The following TENM2 variants were observed in gnomAD, a reference collection of about 807,000 sequenced individuals.
TENM2 encodes teneurin-2.
TENM2 carries 52 observed loss-of-function variants against 245.2 expected under a neutral mutation model. The observed-to-expected ratio is 0.21, with a 90% CI of 0.17 to 0.27. The LOEUF (loss-of-function observed/expected upper bound fraction) is 0.27, where lower values mean the gene tolerates loss of function less well. Among genes scored for constraint, TENM2 ranks in the 10% least tolerant of loss-of-function variants. The pLI is 1.00. For missense variants in TENM2, 3,046 were observed against 3,666.8 expected (o/e 0.83, Z 4.37); for synonymous variants, 1,363 against 1,438.9 (o/e 0.95, Z 1.19).
intron 2 of TENM2, among the ~76,000 whole-genome samples, chr5:167,864,695 G>C (rs1408355450): frequency 6.6e-6 from 1 of 152,118 alleles, no homozygotes; most frequent in Non-Finnish European, 1.5e-5. Flanking sequence ...GAAAACCTCG[G>C]TTCCAACTCT....
At chr5:167,857,911 G>A (rs1771242336) in intron 2 of TENM2, among the ~76,000 whole-genome samples, 1 of 152,158 alleles carries the variant, frequency 6.6e-6, no homozygotes, top group African/African-American at 2.4e-5. Flanking sequence ...CTAACTTACT[G>A]TGTGGTCCAG....
the TENM2 span, among the ~76,000 whole-genome samples, chr5:167,132,549 A>G: frequency 0.08 from 12,171 of 152,084 alleles, 1,203 homozygotes; most frequent in African/African-American, 0.23. Flanking sequence ...CATGTTACGC[A>G]AATAAATCAC....
rs73367214 is a variant in TENM2, at chr5:167,536,619, A to G, written c.502+161146A>G. On this transcript the variant is annotated intron_variant, in intron 2 of 28. Transcript: ENST00000518659. Reference sequence around the variant, plus strand: ...ATGAGTTCAGAAATTTGGGATACCTATGATTTTAGCATGGAGCCAGGCAAC... The same window carrying G: ...ATGAGTTCAGAAATTTGGGATACCTGTGATTTTAGCATGGAGCCAGGCAAC... Among the ~76,000 whole-genome samples, 1,425 of 152,302 alleles carry G rather than the reference A, an allele frequency of 9.4e-3. 16 individuals carry two copies. The highest frequency in any genetic ancestry group is 0.029 in the African/African-American group (1,187 of 41,564).
chr5:167,839,086 C>T (rs1234923046), intron 2 of TENM2, among the ~76,000 whole-genome samples: 1 of 152,150 alleles, frequency 6.6e-6, no homozygotes, highest in African/African-American at 2.4e-5. Context: ...TAAGTATTGT[C>T]ATTGTTATGA....
chr5:167,958,912 A>AT (rs1780772423), intron 4 of TENM2, among the ~76,000 whole-genome samples: 1 of 151,752 alleles, frequency 6.6e-6, no homozygotes, highest in South Asian at 2.1e-4. Context: ...TGCCCTTAAC[A>AT]TTTTTTCCTT....
chr5:167,662,514 C>G (rs915827067), intron 2 of TENM2, among the ~76,000 whole-genome samples: 1 of 152,134 alleles, frequency 6.6e-6, no homozygotes, highest in African/African-American at 2.4e-5. Context: ...CTACATCCAC[C>G]AAGGCATCCA....
intron 3 of TENM2, among the ~76,000 whole-genome samples, chr5:167,929,341 G>A (rs776115902): frequency 5.9e-5 from 9 of 152,106 alleles, no homozygotes; most frequent in Non-Finnish European, 8.8e-5. Context: ...CTTAGAGGAT[G>A]TTACAGCCTA....
chr5:167,850,830 C>T (rs1215387211), intron 2 of TENM2, among the ~76,000 whole-genome samples: 1 of 152,186 alleles, frequency 6.6e-6, no homozygotes, highest in African/African-American at 2.4e-5. Context: ...CCCCAATTAG[C>T]TTGCAACGAG....
At chr5:167,323,306 G>T (rs1756878648) in intron 1 of TENM2, among the ~76,000 whole-genome samples, 1 of 152,168 alleles carries the variant, frequency 6.6e-6, no homozygotes, top group African/African-American at 2.4e-5. Flanking sequence ...TAGGCGGCTG[G>T]TTCAGAATTT....
At chr5:167,748,183 A>T (rs1204573169) in intron 2 of TENM2, among the ~76,000 whole-genome samples, 2 of 151,956 alleles carry the variant, frequency 1.3e-5, no homozygotes, top group African/African-American at 4.8e-5. Flanking sequence ...ATTTGTCTTT[A>T]TTTCTCTTTT....
At position 168,247,125 on chromosome 5, in the gene TENM2, C is replaced by T. The variant is rs1470982751; in HGVS notation, c.6186C>T (p.Thr2062=). The T allele has an allele frequency of 6.2e-7, 1 of 1,613,818 alleles. No homozygotes were observed. Among genetic ancestry groups the T allele is most frequent in the Non-Finnish European group, 8.5e-7 (1 of 1,179,898 alleles). Residue 2062 remains threonine, a synonymous_variant, in exon 27 of 29, where the codon ACC becomes ACT. Transcript: ENST00000518659. The surrounding 1 kb of genome is among the most constrained non-coding windows in gnomAD (Gnocchi z 7.8). ...TCCAAAGTGGGGGCTTCTCCTGCACCATCAGGTACCGGAAGATTGGCCCCC... is the reference window on the plus strand; with the variant it reads ...TCCAAAGTGGGGGCTTCTCCTGCACTATCAGGTACCGGAAGATTGGCCCCC...
At chr5:166,992,081 TAAG>T in the TENM2 span, among the ~76,000 whole-genome samples, 43 of 150,738 alleles carry the variant, frequency 2.9e-4, no homozygotes, top group African/African-American at 9.5e-4. Context: ...TTTTTACTAT[TAAG>T]AAGAGCATTC....
At chr5:167,630,490 T>G (rs951594370) in intron 2 of TENM2, among the ~76,000 whole-genome samples, 1 of 152,188 alleles carries the variant, frequency 6.6e-6, no homozygotes, top group Non-Finnish European at 1.5e-5. Context: ...ATTTTTCGAA[T>G]TTTTCATTTA....
chr5:167,254,292 CAA>C, the TENM2 span, among the ~76,000 whole-genome samples: 1 of 152,138 alleles, frequency 6.6e-6, no homozygotes, highest in African/African-American at 2.4e-5. Context: ...TTGCCTCATT[CAA>C]AGTCTTCAAA....
the TENM2 span, among the ~76,000 whole-genome samples, chr5:167,060,591 T>C: frequency 2.1e-5 from 3 of 145,810 alleles, no homozygotes; most frequent in Non-Finnish European, 4.5e-5. Context: ...GTGGAGATTA[T>C]AGTGAGCCAA....
intron 7 of TENM2, among the ~76,000 whole-genome samples, chr5:168,072,665 G>A (rs1791117650): frequency 6.6e-6 from 1 of 152,164 alleles, no homozygotes; most frequent in Non-Finnish European, 1.5e-5. Context: ...TCTCTCCTAT[G>A]AAGTGTTTCC....
intron 3 of TENM2, among the ~76,000 whole-genome samples, chr5:167,942,812 A>G (rs776155591): frequency 1.3e-5 from 2 of 152,224 alleles, no homozygotes; most frequent in African/African-American, 2.4e-5. Context: ...CAACTTTGAA[A>G]GAAACCAGTA....
intron 2 of TENM2, among the ~76,000 whole-genome samples, chr5:167,689,438 G>A (rs1007460439): frequency 2.0e-5 from 3 of 152,206 alleles, no homozygotes; most frequent in Non-Finnish European, 4.4e-5. Context: ...ATCTGAAGGG[G>A]ATAGCCAGTA....
the TENM2 span, among the ~76,000 whole-genome samples, chr5:167,028,281 A>C: frequency 2.0e-5 from 3 of 152,236 alleles, no homozygotes; most frequent in Admixed American, 6.5e-5. Flanking sequence ...AATTTTTTAC[A>C]AGACACATAA....
Sources: gnomAD v4.1 joint callset for allele counts (sites outside exome capture counted in the v4.1 genomes callset) on GRCh38, gnomAD v4.1.1 for gene constraint, Gnocchi (gnomAD v3.1) non-coding constraint, MANE v1.5 for transcripts, NCBI Gene and HGNC (gene_info 2026-07-23, HGNC 2026-07-21) for gene names.